Variants in SEPTIN14 observed in about 807,000 individuals in gnomAD.
The protein encoded by SEPTIN14 is septin 14, also known as septin-14.
SEPTIN14 carries 40 observed loss-of-function variants against 53.6 expected under a neutral mutation model. That is an observed-to-expected ratio of 0.75 (90% CI 0.58 to 0.97). The LOEUF (loss-of-function observed/expected upper bound fraction) is 0.97. Ranked by LOEUF, SEPTIN14 falls within the 50% of genes least tolerant of loss-of-function variation. The pLI is 0.00. For synonymous variants in SEPTIN14, 138 were observed against 166.8 expected (o/e 0.83, Z 1.33); for missense variants, 471 against 508.2 (o/e 0.93, Z 0.70).
At chr7:55,844,358 T>C (rs1789364669) in intron 4 of SEPTIN14, among the ~76,000 whole-genome samples, 165 bp downstream of exon 4, 1 of 152,086 alleles carries the variant, frequency 6.6e-6, no homozygotes, top group Admixed American at 6.6e-5. Context: ...TGTAAGAAAG[T>C]CAATTATATA....
At chr7:55,856,399 G>GTTT (rs375815044) in intron 2 of SEPTIN14, among the ~76,000 whole-genome samples, 3 of 147,898 alleles carry the variant, frequency 2.0e-5, no homozygotes, top group African/African-American at 7.4e-5. Flanking sequence ...CCACTTTTTC[G>GTTT]TTTTTTTTTT....
At chr7:55,824,970 T>C (rs912527789) in intron 6 of SEPTIN14, among the ~76,000 whole-genome samples, 12 of 152,160 alleles carry the variant, frequency 7.9e-5, no homozygotes, top group African/African-American at 4.8e-5. Context: ...ACTTTTACCA[T>C]ATGATCAAGA....
chr7:55,831,175 A>G (rs1789103871), intron 6 of SEPTIN14, among the ~76,000 whole-genome samples: 1 of 152,046 alleles, frequency 6.6e-6, no homozygotes, highest in African/African-American at 2.4e-5. Flanking sequence ...CTATAATGCT[A>G]TACTAAAAAA....
rs546511385 is a variant in SEPTIN14, at chr7:55,794,984, AC to A, written c.*928del. The A allele has an allele frequency of 5.8e-4, 88 of 152,158 alleles. No homozygotes were observed. The highest frequency in any genetic ancestry group is 2.0e-3 in the African/African-American group (82 of 41,518). 9.4% of individuals were successfully genotyped at this position (152,158 alleles called of 1,614,324 possible). On this transcript the variant is annotated 3_prime_UTR_variant, in exon 10 of 10. Coordinates refer to ENST00000388975, the MANE Select transcript of SEPTIN14 (RefSeq NM_207366.3). ...TACAACTTTGATAACTTTGGCATAT[AC>A]CCCAAATCTGTAACACATAATATTA...
At chr7:55,836,979 C>T (rs866523713) in intron 5 of SEPTIN14, among the ~76,000 whole-genome samples, 1 of 152,078 alleles carries the variant, frequency 6.6e-6, no homozygotes, top group African/African-American at 2.4e-5. Flanking sequence ...ATAAAGATGT[C>T]TTCAACTAAT....
In SEPTIN14 at chr7:55,826,626, T is replaced by C. The variant is rs180832248; in HGVS notation, c.721-7403A>G. Among the ~76,000 whole-genome samples, 423 of 152,078 alleles carry C rather than the reference T, an allele frequency of 2.8e-3. 5 individuals are homozygous for C. The highest frequency in any genetic ancestry group is 0.01 in the Middle Eastern group (3 of 294). On this transcript the variant is annotated intron_variant, in intron 6 of 9. Coordinates refer to ENST00000388975, the MANE Select transcript of SEPTIN14 (RefSeq NM_207366.3). Reference sequence around the variant, plus strand: ...CAGCCTGGCCAACATGGCAAAACCCTGTCTCTACTAAAAATACAAAAATTA... The same window carrying C: ...CAGCCTGGCCAACATGGCAAAACCCCGTCTCTACTAAAAATACAAAAATTA...
chr7:55,848,892 C>T (rs1789472649), intron 2 of SEPTIN14, among the ~76,000 whole-genome samples: 1 of 152,046 alleles, frequency 6.6e-6, no homozygotes, highest in African/African-American at 2.4e-5. Context: ...CAGGCATGAG[C>T]CACCGCGCCT....
rs35467838 is a variant in SEPTIN14 at position 55,804,134 on chromosome 7, T to TAAAA, written c.1119+1120_1119+1123dup. Among the ~76,000 whole-genome samples the TAAAA allele has an allele frequency of 4.8e-3, 224 of 47,040 alleles. 8 individuals are homozygous for TAAAA. The highest frequency in any genetic ancestry group is 0.017 in the African/African-American group (208 of 12,496). 30.9% of individuals were successfully genotyped at this position (47,040 alleles called of 152,430 possible). On this transcript the variant is annotated intron_variant, in intron 9 of 9. Coordinates refer to ENST00000388975, the MANE Select transcript of SEPTIN14 (RefSeq NM_207366.3). ...CTGGGTAACAGAGCAAGACTCTGTC[T>TAAAA]AAAAAAAAAAAAAAAAAAAAAAAAA...
intron 7 of SEPTIN14, chr7:55,811,496 CTTTTTTTTTTTTTTTT>C: frequency 5.5e-6 from 1 of 180,232 alleles, no homozygotes. Flanking sequence ...TTTTACAGTT[CTTTTTTTTTTTTTTTT>C]TTTTTTTGAG....
intron 5 of SEPTIN14, among the ~76,000 whole-genome samples, chr7:55,837,012 T>C (rs1238743800): frequency 6.6e-6 from 1 of 151,902 alleles, no homozygotes; most frequent in Non-Finnish European, 1.5e-5. Context: ...CAGCATGTTT[T>C]GTTAGGGCTG....
intron 2 of SEPTIN14, chr7:55,850,783 A>G (rs1400303372): frequency 1.3e-5 from 2 of 152,044 alleles, no homozygotes; most frequent in African/African-American, 4.8e-5. Context: ...TTAAAAACAC[A>G]TACATGGCCA....
intron 6 of SEPTIN14, among the ~76,000 whole-genome samples, chr7:55,825,898 C>A (rs550679995): frequency 6.6e-6 from 1 of 152,010 alleles, no homozygotes; most frequent in Admixed American, 6.6e-5. Flanking sequence ...GTCAGGAGAT[C>A]GAGACCATCC....
At chr7:55,855,007 CTTT>C (rs59769448) in intron 2 of SEPTIN14, among the ~76,000 whole-genome samples, 5 of 136,796 alleles carry the variant, frequency 3.7e-5, no homozygotes, top group Admixed American at 7.4e-5. Flanking sequence ...AAGATCACAA[CTTT>C]TTTTTTTTTT....
At chr7:55,847,419 G>T (rs957566024) in intron 2 of SEPTIN14, among the ~76,000 whole-genome samples, 6 of 152,058 alleles carry the variant, frequency 3.9e-5, no homozygotes, top group African/African-American at 1.4e-4. Flanking sequence ...TATGTCCCAA[G>T]AAACCCCTCC....
intron 7 of SEPTIN14, among the ~76,000 whole-genome samples, chr7:55,812,302 A>C (rs1788716927): frequency 6.6e-6 from 1 of 152,244 alleles, no homozygotes; most frequent in Admixed American, 6.5e-5. Context: ...AAACTGTAGG[A>C]CATTATGCTA....
intron 2 of SEPTIN14, among the ~76,000 whole-genome samples, chr7:55,859,107 C>T (rs963024614): frequency 6.7e-6 from 1 of 148,476 alleles, no homozygotes; most frequent in Non-Finnish European, 1.5e-5. Context: ...GCAGAGATAG[C>T]GCCATTGCAC....
At chr7:55,854,590 C>T (rs373616669) in intron 2 of SEPTIN14, among the ~76,000 whole-genome samples, 1 of 152,066 alleles carries the variant, frequency 6.6e-6, no homozygotes, top group African/African-American at 2.4e-5. Flanking sequence ...CCACCACGCC[C>T]GGCTAATTTT....
intron 2 of SEPTIN14, among the ~76,000 whole-genome samples, chr7:55,854,809 A>G (rs1342721250): frequency 6.6e-6 from 1 of 152,216 alleles, no homozygotes; most frequent in Non-Finnish European, 1.5e-5. Context: ...TATTGAAAAA[A>G]GGTAGAAAAT....
chr7:55,855,831 C>T (rs571740771), intron 2 of SEPTIN14, among the ~76,000 whole-genome samples: 52 of 152,168 alleles, frequency 3.4e-4, no homozygotes, highest in Non-Finnish European at 5.4e-4. Context: ...GGATTACAGG[C>T]GTGAACTACC....
Sources: gnomAD v4.1 joint callset for allele counts (sites outside exome capture counted in the v4.1 genomes callset) on GRCh38, gnomAD v4.1.1 for gene constraint, MANE v1.5 for transcripts, NCBI Gene and HGNC (gene_info 2026-07-23, HGNC 2026-07-21) for gene names.